Variants in IL1RAPL2 observed in about 807,000 individuals in gnomAD.
IL1RAPL2 encodes the protein interleukin 1 receptor accessory protein like 2.
In IL1RAPL2, 3 loss-of-function variants were observed where a neutral mutation model predicts 44.1. The ratio of observed to expected loss-of-function variants is 0.07; its 90% CI spans 0.03 to 0.18. IL1RAPL2 has a LOEUF of 0.18. Ranked by LOEUF, IL1RAPL2 falls within the 10% of genes least tolerant of loss-of-function variation. The pLI, the probability that IL1RAPL2 is intolerant of heterozygous loss-of-function variation, is 1.00. For synonymous variants in IL1RAPL2, 181 were observed against 178.8 expected, an observed-to-expected ratio of 1.01 and a Z score of -0.10; for missense variants, 391 against 496.4, an observed-to-expected ratio of 0.79 and a Z score of 2.02.
At chrX:105,444,387 T>TG (rs1173127566) in intron 5 of IL1RAPL2, among the ~76,000 whole-genome samples, 1 of 111,264 alleles carries the variant, frequency 9.0e-6, no homozygotes, top group African/African-American at 3.3e-5. Context: ...TTCCTGTGCT[T>TG]GTGGGGTGTT....
At chrX:104,837,121 T>C (rs1921763593) in intron 2 of IL1RAPL2, among the ~76,000 whole-genome samples, 1 of 111,749 alleles carries the variant, frequency 8.9e-6, no homozygotes, top group African/African-American at 3.3e-5. Context: ...CTTTATCCAG[T>C]CTATCATTGA....
intron 2 of IL1RAPL2, among the ~76,000 whole-genome samples, chrX:105,131,747 T>C (rs937587846): frequency 1.8e-5 from 2 of 111,469 alleles, no homozygotes; most frequent in African/African-American, 6.5e-5. Context: ...ATTGCATGAA[T>C]TTTGTTTACT....
intron 2 of IL1RAPL2, among the ~76,000 whole-genome samples, chrX:104,910,422 G>C (rs1214180659): frequency 8.9e-6 from 1 of 111,923 alleles, no homozygotes; most frequent in Admixed American, 9.5e-5. Context: ...AGAATGTGCA[G>C]GTTTATTACA....
At chrX:104,824,098 G>A (rs1217477355) in intron 2 of IL1RAPL2, among the ~76,000 whole-genome samples, 1 of 112,056 alleles carries the variant, frequency 8.9e-6, no homozygotes, top group Non-Finnish European at 1.9e-5. Flanking sequence ...TTAGCGGGAA[G>A]GGATTTGAAT....
chrX:105,508,200 T>G (rs2036444722), intron 6 of IL1RAPL2, among the ~76,000 whole-genome samples: 2 of 111,062 alleles, frequency 1.8e-5, no homozygotes, highest in South Asian at 7.5e-4. Context: ...TATTATTATT[T>G]AAAATTTCTT....
intron 2 of IL1RAPL2, among the ~76,000 whole-genome samples, chrX:104,950,832 C>T (rs184167231): frequency 0.019 from 2,083 of 111,029 alleles, 48 homozygotes; most frequent in African/African-American, 0.063. Context: ...CTCAGCCTCC[C>T]GAGTAGCTGG....
intron 1 of IL1RAPL2, among the ~76,000 whole-genome samples, chrX:104,655,842 A>G (rs1930245633): frequency 9.0e-6 from 1 of 111,314 alleles, no homozygotes; most frequent in African/African-American, 3.3e-5. Context: ...TATTGCCTCA[A>G]TTTCAGAGCC....
chrX:105,506,890 A>T (rs767965578), intron 6 of IL1RAPL2, among the ~76,000 whole-genome samples: 1 of 112,175 alleles, frequency 8.9e-6, no homozygotes, highest in East Asian at 2.8e-4. Flanking sequence ...TGTACATAGT[A>T]TCCCAGGTAC....
chrX:104,824,003 A>G (rs893271830), intron 2 of IL1RAPL2, among the ~76,000 whole-genome samples: 2 of 111,962 alleles, frequency 1.8e-5, no homozygotes, highest in Admixed American at 9.5e-5. Flanking sequence ...TTGCCCATTC[A>G]GTATGATATT....
At chrX:105,218,852 T>A in intron 3 of IL1RAPL2, 4 of 671,838 alleles carry the variant, frequency 6.0e-6, no homozygotes, top group Non-Finnish European at 6.9e-6. Flanking sequence ...TCCCCCACTC[T>A]TCCCAGCCTT....
intron 6 of IL1RAPL2, among the ~76,000 whole-genome samples, chrX:105,494,348 A>G (rs991239850): frequency 8.9e-6 from 1 of 112,202 alleles, no homozygotes; most frequent in African/African-American, 3.2e-5. Context: ...TGAACTGGGA[A>G]AAAATAGAAT....
chrX:105,749,028 G>A lies in IL1RAPL2; in HGVS notation c.1117G>A (p.Val373Ile). Reference protein sequence around the residue: ...AIFLLLVLLVVIYKCYNIELM... With the variant: ...AIFLLLVLLVIIYKCYNIELM... Reference sequence around the variant, plus strand: ...CTTCCTCCTCCTTGTACTGCTGGTGGTCATTTACAAATGCTACAACATTGA... The same window carrying A: ...CTTCCTCCTCCTTGTACTGCTGGTGATCATTTACAAATGCTACAACATTGA... Residue 373 changes from valine (V) to isoleucine (I), a missense_variant, in exon 9 of 11, where the codon GTC becomes ATC. Around this residue, in one of 2 missense-constraint regions of IL1RAPL2, gnomAD observed 232 missense variants for 244.8 expected, o/e 0.95. Transcript: ENST00000372582. The A allele has an allele frequency of 8.3e-7, 1 of 1,208,999 alleles. No individual in the cohort carries two copies. The highest frequency in any genetic ancestry group is 1.8e-5 in the South Asian group (1 of 56,812).
At chrX:104,684,400 C>T (rs2050526278) in intron 2 of IL1RAPL2, among the ~76,000 whole-genome samples, 1 of 112,051 alleles carries the variant, frequency 8.9e-6, no homozygotes. Context: ...AGCTCATATG[C>T]TAAATTGATG....
intron 5 of IL1RAPL2, among the ~76,000 whole-genome samples, chrX:105,395,718 AT>A (rs1260574428): frequency 2.7e-5 from 3 of 111,870 alleles, no homozygotes; most frequent in Non-Finnish European, 5.7e-5. Flanking sequence ...CTTCTCAGTG[AT>A]TGTTCCACCA....
chrX:105,464,851 C>T (rs766175403), intron 5 of IL1RAPL2, among the ~76,000 whole-genome samples: 1 of 110,722 alleles, frequency 9.0e-6, no homozygotes, highest in South Asian at 3.8e-4. Context: ...CATCATATGG[C>T]ACACTCACAC....
intron 6 of IL1RAPL2, among the ~76,000 whole-genome samples, chrX:105,520,923 CTTTTTTT>C (rs1172515228): frequency 7.6e-5 from 4 of 52,356 alleles, no homozygotes; most frequent in African/African-American, 1.5e-4. Flanking sequence ...TTCTTTCTTT[CTTTTTTT>C]TTTTTTTTTT....
At chrX:104,686,974 T>C (rs1247270767) in intron 2 of IL1RAPL2, among the ~76,000 whole-genome samples, 1 of 112,268 alleles carries the variant, frequency 8.9e-6, no homozygotes, top group Non-Finnish European at 1.9e-5. Flanking sequence ...ATGTAAGACT[T>C]CCTTCAGTGC....
chrX:104,775,571 A>G (rs1025707446), intron 2 of IL1RAPL2, among the ~76,000 whole-genome samples: 1 of 111,770 alleles, frequency 8.9e-6, no homozygotes, highest in Non-Finnish European at 1.9e-5. Flanking sequence ...TGTTGGCTTT[A>G]ATAGATTATG....
intron 5 of IL1RAPL2, among the ~76,000 whole-genome samples, chrX:105,477,078 G>T (rs747486348): frequency 8.9e-6 from 1 of 111,995 alleles, no homozygotes; most frequent in Non-Finnish European, 1.9e-5. Context: ...ATGCTTTTTT[G>T]CAGCAGGTTT....
Sources: gnomAD v4.1 joint callset for allele counts (sites outside exome capture counted in the v4.1 genomes callset) on GRCh38, gnomAD v4.1.1 for gene constraint, gnomAD v4.1.1 regional missense constraint, MANE v1.5 for transcripts, NCBI Gene and HGNC (gene_info 2026-07-23, HGNC 2026-07-21) for gene names.